ROBO1: variants seen among roughly 807,000 people sequenced by gnomAD.
ROBO1 encodes roundabout homolog 1.
A neutral mutation model predicts 195.9 loss-of-function variants in ROBO1; 149 were observed. That is an observed-to-expected ratio of 0.76 (90% CI 0.67 to 0.87). ROBO1 has a LOEUF of 0.87. ROBO1 is among the 40% of genes least tolerant of loss of function. The pLI, the probability that ROBO1 is intolerant of heterozygous loss-of-function variation, is 0.00. For synonymous variants in ROBO1, 816 were observed against 733.2 expected (o/e 1.11, Z -1.82); for missense variants, 1,933 against 2,068.3 (o/e 0.93, Z 1.27).
chr3:78,863,797 T>C (rs980049848), intron 4 of ROBO1, among the ~76,000 whole-genome samples: 15 of 151,880 alleles, frequency 9.9e-5, no homozygotes, highest in African/African-American at 3.6e-4. Context: ...CTACCAGGAG[T>C]TGAAAGAGTT....
At chr3:79,566,889 T>C (rs1943107422) in intron 2 of ROBO1, among the ~76,000 whole-genome samples, 1 of 152,020 alleles carries the variant, frequency 6.6e-6, no homozygotes, top group Non-Finnish European at 1.5e-5. Context: ...CTAAAGGACA[T>C]AGAGACAGAA....
intron 1 of ROBO1, among the ~76,000 whole-genome samples, chr3:79,688,262 T>C (rs1481009927): frequency 6.6e-6 from 1 of 150,744 alleles, no homozygotes; most frequent in Non-Finnish European, 1.5e-5. Flanking sequence ...GAGATATACC[T>C]AATGTAAATG....
intron 3 of ROBO1, among the ~76,000 whole-genome samples, chr3:79,055,887 C>G (rs115467086): frequency 1.3e-5 from 2 of 152,054 alleles, no homozygotes; most frequent in African/African-American, 4.8e-5. Context: ...TAAGGAAAAA[C>G]TGGAGGTTTT....
chr3:78,627,008 C>CA (rs1341998790), intron 26 of ROBO1, among the ~76,000 whole-genome samples: 6 of 152,140 alleles, frequency 3.9e-5, no homozygotes, highest in Non-Finnish European at 8.8e-5. Flanking sequence ...CAAAAATACC[C>CA]ACTGTCAATA....
chr3:78,900,732 A>G (rs1269833706), intron 4 of ROBO1, among the ~76,000 whole-genome samples: 1 of 152,102 alleles, frequency 6.6e-6, no homozygotes, highest in Non-Finnish European at 1.5e-5. Flanking sequence ...ATTTATTTTT[A>G]ATATTATCTT....
chr3:78,821,709 G>T (rs1033306924), intron 4 of ROBO1, among the ~76,000 whole-genome samples: 7 of 151,916 alleles, frequency 4.6e-5, no homozygotes, highest in Non-Finnish European at 8.8e-5. Context: ...ATTTGGATTT[G>T]GCCCAAAGAG....
chr3:79,644,266 T>G (rs575652958), intron 1 of ROBO1, among the ~76,000 whole-genome samples: 1 of 152,094 alleles, frequency 6.6e-6, no homozygotes, highest in Non-Finnish European at 1.5e-5. Flanking sequence ...TGTAGGGAGT[T>G]TCAACATTCC....
At chr3:79,292,953 AC>A (rs2109033166) in intron 2 of ROBO1, among the ~76,000 whole-genome samples, 1 of 152,304 alleles carries the variant, frequency 6.6e-6, no homozygotes, top group African/African-American at 2.4e-5. Context: ...AAAGAATGGT[AC>A]CAGCTCCTCT....
chr3:79,597,510 T>C (rs772078854), intron 1 of ROBO1, among the ~76,000 whole-genome samples: 8 of 152,074 alleles, frequency 5.3e-5, no homozygotes, highest in Admixed American at 1.3e-4. Context: ...ATTTTTCATA[T>C]ATTAAAAAGC....
At chr3:78,939,137 TCGCTTACAC>T (rs958108311) in intron 3 of ROBO1, among the ~76,000 whole-genome samples, 2 of 152,136 alleles carry the variant, frequency 1.3e-5, no homozygotes. Context: ...GAAACTTCTC[TCGCTTACAC>T]ATTGCCTGTG....
intron 4 of ROBO1, among the ~76,000 whole-genome samples, chr3:78,890,926 T>A (rs62257516): frequency 0.014 from 2,082 of 152,240 alleles, 24 homozygotes; most frequent in Non-Finnish European, 0.024. Flanking sequence ...CACGCCCAAC[T>A]AATGTTTTTT....
intron 3 of ROBO1, among the ~76,000 whole-genome samples, chr3:78,995,387 A>G (rs2077338806): frequency 6.6e-6 from 1 of 152,088 alleles, no homozygotes; most frequent in Admixed American, 6.6e-5. Context: ...GGAACCGAGC[A>G]ACACAGAGCC....
chr3:79,739,443 G>A (rs1703531042), intron 1 of ROBO1, among the ~76,000 whole-genome samples: 1 of 152,106 alleles, frequency 6.6e-6, no homozygotes, highest in African/African-American at 2.4e-5. Context: ...AGTGGTCTGG[G>A]TTTGGTTTAA....
At chr3:79,386,264 C>T (rs1188231367) in intron 2 of ROBO1, among the ~76,000 whole-genome samples, 2 of 152,042 alleles carry the variant, frequency 1.3e-5, no homozygotes, top group African/African-American at 4.8e-5. Context: ...TTTTATTTGC[C>T]TACTAATCTA....
intron 9 of ROBO1, among the ~76,000 whole-genome samples, chr3:78,687,920 T>C (rs1464450894): frequency 6.6e-6 from 1 of 152,182 alleles, no homozygotes; most frequent in Admixed American, 6.5e-5. Context: ...CATGAGTCAC[T>C]GTGCCCAGCC....
intron 3 of ROBO1, among the ~76,000 whole-genome samples, chr3:79,052,605 G>C (rs191048274): frequency 1.3e-5 from 2 of 151,994 alleles, no homozygotes; most frequent in Admixed American, 1.3e-4. Flanking sequence ...AGAACCTGCC[G>C]ACATGTGATG....
At chr3:79,404,351 C>T (rs1299127031) in intron 2 of ROBO1, among the ~76,000 whole-genome samples, 3 of 152,188 alleles carry the variant, frequency 2.0e-5, no homozygotes. Context: ...ATCAACTATG[C>T]CTCCTGTCCT....
intron 10 of ROBO1, among the ~76,000 whole-genome samples, chr3:78,676,119 T>A (rs1213879935): frequency 2.0e-5 from 3 of 152,246 alleles, no homozygotes; most frequent in African/African-American, 7.2e-5. Flanking sequence ...GAGGGTCCTG[T>A]CTGTTAGAAG....
chr3:79,396,935 A>G (rs908311002), intron 2 of ROBO1, among the ~76,000 whole-genome samples: 1 of 152,146 alleles, frequency 6.6e-6, no homozygotes, highest in Non-Finnish European at 1.5e-5. Flanking sequence ...TACATTCACA[A>G]TAAAATTACC....
Sources: gnomAD v4.1 joint callset for allele counts (sites outside exome capture counted in the v4.1 genomes callset) on GRCh38, gnomAD v4.1.1 for gene constraint, MANE v1.5 for transcripts, NCBI Gene and HGNC (gene_info 2026-07-23, HGNC 2026-07-21) for gene names.